Variants in SLC44A5 observed in about 807,000 individuals in gnomAD.
SLC44A5 encodes the protein choline transporter-like protein 5.
In SLC44A5, 57 loss-of-function variants were observed where a neutral mutation model predicts 101.8. That is an observed-to-expected ratio of 0.56 (90% confidence interval 0.45 to 0.70). SLC44A5 has a LOEUF of 0.70. Ranked by LOEUF, SLC44A5 falls within the 30% of genes least tolerant of loss-of-function variation. The pLI, the probability that SLC44A5 is intolerant of heterozygous loss-of-function variation, is 0.00. For missense variants in SLC44A5, 737 were observed against 853.1 expected, an observed-to-expected ratio of 0.86 and a Z score of 1.70; for synonymous variants, 281 against 290.9, an observed-to-expected ratio of 0.97 and a Z score of 0.35.
chr1:75,688,064 A>G, the SLC44A5 span, among the ~76,000 whole-genome samples: 1 of 152,146 alleles, frequency 6.6e-6, no homozygotes, highest in East Asian at 1.9e-4. Context: ...CTGACTAGAG[A>G]GCAAACCTTG....
At chr1:75,290,616 A>G (rs572043514) in intron 5 of SLC44A5, among the ~76,000 whole-genome samples, 2 of 152,306 alleles carry the variant, frequency 1.3e-5, no homozygotes, top group South Asian at 4.1e-4. Context: ...AAGAAATTCT[A>G]CAAACTCATG....
At chr1:75,272,865 G>A (rs1204835222) in intron 6 of SLC44A5, among the ~76,000 whole-genome samples, 1 of 152,064 alleles carries the variant, frequency 6.6e-6, no homozygotes, top group African/African-American at 2.4e-5. Flanking sequence ...CTTTGGCTAT[G>A]TGGGCTCTTT....
At chr1:75,224,169 T>C (rs1248465626) in intron 13 of SLC44A5, among the ~76,000 whole-genome samples, 1 of 152,208 alleles carries the variant, frequency 6.6e-6, no homozygotes, top group East Asian at 1.9e-4. Flanking sequence ...CCCAGTGGCA[T>C]GGTAGTGCAA....
chr1:75,642,572 G>C, the SLC44A5 span, among the ~76,000 whole-genome samples: 1 of 152,114 alleles, frequency 6.6e-6, no homozygotes, highest in East Asian at 1.9e-4. Context: ...AGACGAATAA[G>C]AAATTCAATA....
chr1:75,263,967 C>G (rs939441733), intron 6 of SLC44A5, among the ~76,000 whole-genome samples: 1 of 151,968 alleles, frequency 6.6e-6, no homozygotes, highest in Non-Finnish European at 1.5e-5. Context: ...ACATCACACA[C>G]TGGGGCCTGT....
Position 75,536,745 on chromosome 1 carries a change from G to A in SLC44A5, c.13+4690C>T, listed in dbSNP as rs190658639. The stretch of plus-strand genomic sequence containing the variant: ...ATCTAGGCCGGGCGCGGTGGCTCAC[G>A]CCTGTAATCCCAGCACTTTGGGAGG... On this transcript the variant is annotated intron_variant, in intron 2 of 23. Coordinates refer to ENST00000370859, the MANE Select transcript of SLC44A5 (RefSeq NM_001130058.2). Among the ~76,000 whole-genome samples, 1,269 of 148,338 alleles carry A rather than the reference G, an allele frequency of 8.6e-3. 16 individuals carry two copies. The highest frequency in any genetic ancestry group is 0.031 in the Middle Eastern group (9 of 290).
At chr1:75,311,546 T>C in intron 4 of SLC44A5, 1 of 984,834 alleles carries the variant, frequency 1.0e-6, no homozygotes, top group South Asian at 4.7e-5. Flanking sequence ...CAGCTCCTAC[T>C]AATATCCTCT....
At chr1:75,335,948 C>A (rs534584501) in intron 4 of SLC44A5, among the ~76,000 whole-genome samples, 5 of 152,188 alleles carry the variant, frequency 3.3e-5, no homozygotes, top group African/African-American at 9.6e-5. Flanking sequence ...GTGCACAGCC[C>A]ATGTTACTTG....
intron 2 of SLC44A5, among the ~76,000 whole-genome samples, chr1:75,483,761 T>C (rs1570419944): frequency 6.6e-6 from 1 of 152,308 alleles, no homozygotes; most frequent in East Asian, 1.9e-4. Flanking sequence ...AAGAGCTACC[T>C]AATACTGGGT....
chr1:75,311,996 T>C (rs1286779119), intron 4 of SLC44A5, among the ~76,000 whole-genome samples: 3 of 152,064 alleles, frequency 2.0e-5, no homozygotes, highest in Non-Finnish European at 4.4e-5. Context: ...TCATCTTGAA[T>C]TGTAGTTCCC....
intron 3 of SLC44A5, among the ~76,000 whole-genome samples, chr1:75,380,902 A>C (rs1323690788): frequency 1.2e-5 from 1 of 82,310 alleles, no homozygotes; most frequent in Non-Finnish European, 2.1e-5. Flanking sequence ...AAATATTTCC[A>C]TTGGGTATCG....
intron 2 of SLC44A5, among the ~76,000 whole-genome samples, chr1:75,452,948 C>A (rs950383740): frequency 1.3e-5 from 2 of 152,080 alleles, no homozygotes; most frequent in Non-Finnish European, 1.5e-5. Context: ...TGAGGGACTT[C>A]AGCTTCCCAC....
At chr1:75,530,939 G>T (rs1306500335) in intron 2 of SLC44A5, among the ~76,000 whole-genome samples, 1 of 152,202 alleles carries the variant, frequency 6.6e-6, no homozygotes, top group Non-Finnish European at 1.5e-5. Context: ...GAATATTAAA[G>T]TGAGGAAGTT....
chr1:75,685,960 G>A, the SLC44A5 span, among the ~76,000 whole-genome samples: 3 of 152,182 alleles, frequency 2.0e-5, no homozygotes, highest in Non-Finnish European at 2.9e-5. Context: ...CATGGTAGAA[G>A]GGGAAGCAAA....
intron 2 of SLC44A5, among the ~76,000 whole-genome samples, chr1:75,423,943 G>C (rs751515624): frequency 1.3e-5 from 2 of 152,210 alleles, no homozygotes; most frequent in African/African-American, 2.4e-5. Flanking sequence ...GTTAGAAAGG[G>C]TGTTGCTTTG....
intron 23 of SLC44A5, among the ~76,000 whole-genome samples, chr1:75,207,317 G>A (rs186259235): frequency 1.6e-4 from 24 of 152,126 alleles, no homozygotes; most frequent in South Asian, 2.1e-4. Context: ...AAATTCTTGC[G>A]GTCTTCCTCA....
chr1:75,597,577 A>T (rs996880802), intron 1 of SLC44A5, among the ~76,000 whole-genome samples: 2 of 152,214 alleles, frequency 1.3e-5, no homozygotes, highest in African/African-American at 4.8e-5. Context: ...CTAAAACACC[A>T]TGGTACTGTT....
chr1:75,375,996 G>A lies in SLC44A5; in HGVS notation c.52+20587C>T, dbSNP rs888505533. ...TGGGTGTGTGCACCGTGTGCGAGCC[G>A]AAGCAGGGCGAGGCATTGCCTCACT... On this transcript the variant is annotated intron_variant, in intron 3 of 23. Coordinates refer to ENST00000370859, the MANE Select transcript of SLC44A5 (RefSeq NM_001130058.2). 8.5e-4 allele frequency among the ~76,000 whole-genome samples: 130 copies of A among 152,332 alleles called. 1 individual carries two copies. Among genetic ancestry groups the A allele is most frequent in the East Asian group, 2.7e-3 (14 of 5,168 alleles).
At chr1:75,286,935 G>A (rs1220819568) in intron 5 of SLC44A5, among the ~76,000 whole-genome samples, 1 of 151,486 alleles carries the variant, frequency 6.6e-6, no homozygotes, top group Non-Finnish European at 1.5e-5. Context: ...TGATCTTTTT[G>A]TGATGAATTT....
Sources: gnomAD v4.1 joint callset for allele counts (sites outside exome capture counted in the v4.1 genomes callset) on GRCh38, gnomAD v4.1.1 for gene constraint, MANE v1.5 for transcripts, NCBI Gene and HGNC (gene_info 2026-07-23, HGNC 2026-07-21) for gene names.